Variants in WDR41 observed in about 807,000 individuals in gnomAD.
The protein encoded by WDR41 is WD repeat domain 41.
WDR41 carries 63 observed loss-of-function variants against 69.3 expected under a neutral mutation model. The observed-to-expected ratio is 0.91, with a 90% CI of 0.74 to 1.12. The LOEUF (loss-of-function observed/expected upper bound fraction) is 1.12, where lower values mean the gene tolerates loss of function less well. Among genes scored for constraint, WDR41 ranks in the 50% most tolerant of loss-of-function variants. The pLI, the probability that WDR41 is intolerant of heterozygous loss-of-function variation, is 0.00. For synonymous variants in WDR41, 185 were observed against 192.1 expected, an observed-to-expected ratio of 0.96 and a Z score of 0.31; for missense variants, 543 against 534.5, an observed-to-expected ratio of 1.02 and a Z score of -0.16.
chr5:77,538,772 A>G lies in WDR41; in HGVS notation c.43-49200T>C, dbSNP rs1464421712. Among the ~76,000 whole-genome samples, 3 of 152,238 alleles carry G rather than the reference A, an allele frequency of 2.0e-5. No homozygotes were observed. In the East Asian group the frequency reaches 5.8e-4, roughly 29 times the overall value. On this transcript the variant is annotated intron_variant, in intron 1 of 5. Transcript: ENST00000509971. ...GTAACAAATTTTAAAGTAGTTCTGAATATCCACTATGTGCCCGTAATGAAA... is the reference window on the plus strand; with the variant it reads ...GTAACAAATTTTAAAGTAGTTCTGAGTATCCACTATGTGCCCGTAATGAAA...
intron 1 of WDR41, among the ~76,000 whole-genome samples, chr5:77,556,177 C>A (rs548077556): frequency 6.7e-6 from 1 of 149,634 alleles, no homozygotes; most frequent in Admixed American, 6.7e-5. Context: ...GATCTCGGCC[C>A]GCTGCAACCT....
chr5:77,552,039 A>C (rs374703342), intron 1 of WDR41, among the ~76,000 whole-genome samples: 3 of 125,358 alleles, frequency 2.4e-5, no homozygotes, highest in African/African-American at 8.2e-5. Context: ...ATAAAATAAA[A>C]TAAAATAAAA....
At chr5:77,612,243 A>G (rs1281016746) in intron 1 of WDR41, among the ~76,000 whole-genome samples, 2 of 152,250 alleles carry the variant, frequency 1.3e-5, no homozygotes, top group African/African-American at 2.4e-5. Flanking sequence ...TTCCTTCTGA[A>G]ACTATTCCAA....
intron 4 of WDR41, among the ~76,000 whole-genome samples, chr5:77,462,514 C>T (rs954997957): frequency 5.3e-5 from 8 of 151,854 alleles, no homozygotes; most frequent in African/African-American, 1.9e-4. Context: ...GCCTGTTACA[C>T]ATAAGCACTT....
At chr5:77,547,504 C>T (rs1362416578) in intron 1 of WDR41, among the ~76,000 whole-genome samples, 1 of 151,262 alleles carries the variant, frequency 6.6e-6, no homozygotes, top group Non-Finnish European at 1.5e-5. Flanking sequence ...AAATCAGGAA[C>T]TCAACCCCTT....
At chr5:77,489,217 G>GCAAA (rs1170050952) in intron 2 of WDR41, among the ~76,000 whole-genome samples, 1 of 152,040 alleles carries the variant, frequency 6.6e-6, no homozygotes, top group African/African-American at 2.4e-5. Context: ...TTCTGAGAAT[G>GCAAA]CAAACAAACA....
chr5:77,442,934 TATTA>T (rs1382333528), intron 8 of WDR41, among the ~76,000 whole-genome samples: 4 of 141,358 alleles, frequency 2.8e-5, no homozygotes, highest in Non-Finnish European at 4.5e-5. Context: ...CCATTTTACA[TATTA>T]TTTATTTTAC....
At chr5:77,614,571 T>C (rs955187264) in intron 1 of WDR41, among the ~76,000 whole-genome samples, 31 of 144,670 alleles carry the variant, frequency 2.1e-4, no homozygotes, top group Non-Finnish European at 3.4e-4. Context: ...CCGCATGTTC[T>C]CACTCATAGG....
At chr5:77,551,053 G>A (rs1234500828) in intron 1 of WDR41, among the ~76,000 whole-genome samples, 1 of 152,150 alleles carries the variant, frequency 6.6e-6, no homozygotes, top group Non-Finnish European at 1.5e-5. Flanking sequence ...CCTCCTAGAG[G>A]AAGGAGAGAG....
chr5:77,458,480 G>A (rs1306799805), intron 5 of WDR41, among the ~76,000 whole-genome samples: 1 of 152,092 alleles, frequency 6.6e-6, no homozygotes, highest in Admixed American at 6.6e-5. Flanking sequence ...CACTTTCTCT[G>A]AACACTTAAT....
At chr5:77,603,017 AAGCTC>A (rs1338954844) in intron 1 of WDR41, among the ~76,000 whole-genome samples, 3 of 149,632 alleles carry the variant, frequency 2.0e-5, no homozygotes, top group African/African-American at 7.4e-5. Context: ...CGACTCCTGC[AAGCTC>A]AGCTCCCTGG....
intron 1 of WDR41, among the ~76,000 whole-genome samples, chr5:77,523,198 C>T (rs1018798825): frequency 1.3e-5 from 2 of 151,812 alleles, no homozygotes; most frequent in Admixed American, 6.6e-5. Flanking sequence ...CCTGTAATCC[C>T]AGCTGCTTGG....
At chr5:77,572,850 G>A (rs1308419382) in intron 1 of WDR41, among the ~76,000 whole-genome samples, 3 of 152,112 alleles carry the variant, frequency 2.0e-5, no homozygotes, top group Non-Finnish European at 2.9e-5. Flanking sequence ...ATTTCATTTT[G>A]TATCTTTCAT....
rs755933284 is a variant in WDR41, at chr5:77,431,820, A to C, written c.*1315T>G. 1 of 152,230 alleles carries C rather than the reference A, an allele frequency of 6.6e-6. No individual in the cohort carries two copies. Among genetic ancestry groups the C allele is most frequent in the Non-Finnish European group, 1.5e-5 (1 of 68,042 alleles). The allele number at this position is 152,230 out of a possible 1,614,324, so 9.4% of individuals were successfully genotyped here. On this transcript the variant is annotated 3_prime_UTR_variant, in exon 13 of 13. Transcript: ENST00000296679. ...TGTAATTGAGGTAGCTTAAGTTTTA[A>C]TATTTCTCCATAGAACTTTTCATGA... is the stretch of plus-strand genomic sequence containing the variant.
rs758139243 is a variant in WDR41, at chr5:77,438,296, G to A, written c.948C>T (p.Ala316=). Residue 316 remains alanine, a synonymous_variant, in exon 10 of 13, where the codon GCC becomes GCT. Transcript: ENST00000296679. ...VYSLQMKRVI[A]CQKTAHDSNV... Reference sequence around the variant, plus strand: ...TGGAGTCATGTGCAGTTTTCTGGCAGGCAATCACACGCTTCATTTGAAGGC... The same window carrying A: ...TGGAGTCATGTGCAGTTTTCTGGCAAGCAATCACACGCTTCATTTGAAGGC... The A allele has an allele frequency of 7.4e-6, 12 of 1,613,940 alleles. No individual in the cohort carries two copies. Among genetic ancestry groups the A allele is most frequent in the Non-Finnish European group, 1.0e-5 (12 of 1,179,944 alleles).
chr5:77,463,289 T>C (rs1581722997), intron 3 of WDR41, 63 bp from the exon 4 acceptor site: 6 of 1,453,150 alleles, frequency 4.1e-6, no homozygotes, highest in Non-Finnish European at 5.6e-6. Flanking sequence ...CATAAATGAC[T>C]ACATTAAGTA....
chr5:77,614,888 A>C (rs963778584), intron 1 of WDR41, among the ~76,000 whole-genome samples: 5 of 152,176 alleles, frequency 3.3e-5, no homozygotes. Flanking sequence ...AGAAAAGTTC[A>C]GAAAACAGGG....
chr5:77,577,348 A>G (rs1431395610), intron 1 of WDR41, among the ~76,000 whole-genome samples: 1 of 151,538 alleles, frequency 6.6e-6, no homozygotes, highest in East Asian at 1.9e-4. Context: ...AAAATGGGCA[A>G]AGGAAATAAA....
intron 10 of WDR41, among the ~76,000 whole-genome samples, chr5:77,437,953 G>T (rs1425281160): frequency 1.3e-5 from 2 of 152,206 alleles, no homozygotes; most frequent in Non-Finnish European, 2.9e-5. Flanking sequence ...TTGGTACAAT[G>T]TAAGTGGCCC....
Sources: allele counts gnomAD v4.1 joint callset (sites outside exome capture counted in the v4.1 genomes callset), GRCh38; gene constraint gnomAD v4.1.1; transcripts MANE v1.5; gene names NCBI Gene and HGNC (gene_info 2026-07-23, HGNC 2026-07-21).